XKR9: variants seen among roughly 807,000 people sequenced by gnomAD.
The protein encoded by XKR9 is XK related 9.
A neutral mutation model predicts 32.0 loss-of-function variants in XKR9; 32 were observed. The ratio of observed to expected loss-of-function variants is 1.00; its 90% CI spans 0.76 to 1.34. The LOEUF (loss-of-function observed/expected upper bound fraction) is 1.34, where lower values mean the gene tolerates loss of function less well. Ranked by LOEUF, XKR9 falls within the 40% of genes most tolerant of loss-of-function variation. The pLI is 0.00. For synonymous variants in XKR9, 168 were observed against 143.4 expected (o/e 1.17, Z -1.22); for missense variants, 546 against 429.7 (o/e 1.27, Z -2.39).
the XKR9 span, among the ~76,000 whole-genome samples, chr8:71,031,852 A>G: frequency 6.6e-6 from 1 of 152,182 alleles, no homozygotes; most frequent in Non-Finnish European, 1.5e-5. Context: ...TCCTGTTTAA[A>G]GTTAGTTTTT....
intron 3 of XKR9, among the ~76,000 whole-genome samples, chr8:70,706,265 G>C (rs1805715791): frequency 6.6e-6 from 1 of 151,994 alleles, no homozygotes; most frequent in Admixed American, 6.6e-5. Context: ...ATGATAACTT[G>C]TGTTCACTTT....
At chr8:71,018,782 C>T in the XKR9 span, among the ~76,000 whole-genome samples, 265 of 152,248 alleles carry the variant, frequency 1.7e-3, 2 homozygotes, top group African/African-American at 6.1e-3. Flanking sequence ...ATTAAAAAAA[C>T]TTTAAAATAT....
At chr8:71,052,710 T>C in the XKR9 span, among the ~76,000 whole-genome samples, 2 of 152,202 alleles carry the variant, frequency 1.3e-5, no homozygotes, top group Non-Finnish European at 2.9e-5. Flanking sequence ...GCCTGCTTCA[T>C]GGCTGCTTCA....
chr8:70,885,507 G>C, the XKR9 span, among the ~76,000 whole-genome samples: 1 of 151,718 alleles, frequency 6.6e-6, no homozygotes, highest in Non-Finnish European at 1.5e-5. Flanking sequence ...CTATCAATCT[G>C]TCATCTAGGT....
the XKR9 span, among the ~76,000 whole-genome samples, chr8:70,902,151 C>T: frequency 2.0e-5 from 3 of 152,054 alleles, no homozygotes; most frequent in African/African-American, 4.8e-5. Context: ...TTTTTGGTTC[C>T]ATATGAACTT....
chr8:70,930,743 G>T, the XKR9 span, among the ~76,000 whole-genome samples: 1 of 152,114 alleles, frequency 6.6e-6, no homozygotes, highest in African/African-American at 2.4e-5. Context: ...TGGCTCAGGG[G>T]ATTGGTAATG....
intron 4 of XKR9, among the ~76,000 whole-genome samples, chr8:70,725,604 G>C (rs1806437948): frequency 6.6e-6 from 1 of 151,994 alleles, no homozygotes; most frequent in Non-Finnish European, 1.5e-5. Flanking sequence ...ATGTACGAGA[G>C]GACTTAAAAA....
At chr8:70,908,054 G>T in the XKR9 span, among the ~76,000 whole-genome samples, 979 of 152,232 alleles carry the variant, frequency 6.4e-3, 19 homozygotes, top group African/African-American at 0.022. Context: ...TCTTGTTCAA[G>T]TTAAATCTAT....
chr8:71,031,795 C>A, the XKR9 span, among the ~76,000 whole-genome samples: 1 of 152,018 alleles, frequency 6.6e-6, no homozygotes, highest in African/African-American at 2.4e-5. Context: ...ATTATACAAC[C>A]AATTTACATT....
the XKR9 span, among the ~76,000 whole-genome samples, chr8:70,842,859 C>A: frequency 6.6e-6 from 1 of 152,152 alleles, no homozygotes; most frequent in Non-Finnish European, 1.5e-5. Context: ...TTCTCTCCAG[C>A]TCCAATATTA....
chr8:70,863,533 T>C, the XKR9 span, among the ~76,000 whole-genome samples: 1 of 152,228 alleles, frequency 6.6e-6, no homozygotes, highest in Non-Finnish European at 1.5e-5. Flanking sequence ...CACATGACTT[T>C]CTTTGTGCAT....
downstream of XKR9, among the ~76,000 whole-genome samples, chr8:70,739,672 A>G (rs1178590965): frequency 3.3e-5 from 5 of 152,106 alleles, no homozygotes; most frequent in East Asian, 1.9e-4. Context: ...GGTGGTGACA[A>G]AATCTCTCAG....
At chr8:70,877,272 G>T in the XKR9 span, among the ~76,000 whole-genome samples, 167 of 152,112 alleles carry the variant, frequency 1.1e-3, 5 homozygotes, top group East Asian at 0.028. Flanking sequence ...TGACACATGG[G>T]GATTATTACA....
At chr8:70,748,963 C>T (rs1460264818) in intron 2 of XKR9, among the ~76,000 whole-genome samples, 1 of 152,170 alleles carries the variant, frequency 6.6e-6, no homozygotes, top group Non-Finnish European at 1.5e-5. Context: ...AAAGGAGCTA[C>T]CCACCATAGG....
the XKR9 span, among the ~76,000 whole-genome samples, chr8:70,804,324 G>T: frequency 6.6e-6 from 1 of 152,244 alleles, no homozygotes; most frequent in Admixed American, 6.5e-5. Context: ...AAGTAAGACT[G>T]CTGGGTCAGG....
chr8:70,702,697 A>G (rs926900523), intron 3 of XKR9, among the ~76,000 whole-genome samples: 8 of 152,140 alleles, frequency 5.3e-5, no homozygotes, highest in Non-Finnish European at 1.0e-4. Context: ...CTCTGGTAGT[A>G]TTCCTTGATT....
At chr8:70,925,151 A>T in the XKR9 span, among the ~76,000 whole-genome samples, 1 of 152,126 alleles carries the variant, frequency 6.6e-6, no homozygotes, top group Non-Finnish European at 1.5e-5. Flanking sequence ...CTGCTGTGAG[A>T]TTCTTTCTGT....
At chr8:70,692,376 A>G (rs1443793049) in intron 3 of XKR9, among the ~76,000 whole-genome samples, 2 of 149,970 alleles carry the variant, frequency 1.3e-5, no homozygotes, top group Non-Finnish European at 1.5e-5. Flanking sequence ...AGATAGTTTG[A>G]CTCCTGCTCT....
chr8:70,686,411 TAATA>T (rs1474183961), intron 3 of XKR9, among the ~76,000 whole-genome samples: 2 of 87,030 alleles, frequency 2.3e-5, no homozygotes, highest in African/African-American at 3.9e-5. Context: ...CCGAGATAGC[TAATA>T]TATATATATA....
Sources: gnomAD v4.1 joint callset for allele counts (sites outside exome capture counted in the v4.1 genomes callset) on GRCh38, gnomAD v4.1.1 for gene constraint, MANE v1.5 for transcripts, NCBI Gene and HGNC (gene_info 2026-07-23, HGNC 2026-07-21) for gene names.